GRIN2A: variants seen among roughly 807,000 people sequenced by gnomAD.
The protein encoded by GRIN2A is glutamate receptor ionotropic, NMDA 2A.
A neutral mutation model predicts 113.4 loss-of-function variants in GRIN2A; 22 were observed. The observed-to-expected ratio is 0.19, with a 90% CI of 0.14 to 0.28. GRIN2A has a LOEUF of 0.28. Ranked by LOEUF, GRIN2A falls within the 10% of genes least tolerant of loss-of-function variation. The pLI is 1.00. For missense variants in GRIN2A, 1,502 were observed against 1,887.0 expected (o/e 0.80, Z 3.78); for synonymous variants, 827 against 738.4 (o/e 1.12, Z -1.94).
At chr16:10,070,959 C>A (rs9922871) in intron 2 of GRIN2A, among the ~76,000 whole-genome samples, 14,628 of 152,166 alleles carry the variant, frequency 0.096, 784 homozygotes, top group African/African-American at 0.11. Flanking sequence ...TCAGATTAAC[C>A]CAACAACTCT....
intron 4 of GRIN2A, among the ~76,000 whole-genome samples, chr16:9,871,126 C>T (rs2043252193): frequency 6.6e-6 from 1 of 152,128 alleles, no homozygotes; most frequent in South Asian, 2.1e-4. Context: ...AATTTTCCTG[C>T]TCCCATCTTG....
At chr16:10,165,875 G>C (rs1011938047) in intron 2 of GRIN2A, among the ~76,000 whole-genome samples, 1 of 152,080 alleles carries the variant, frequency 6.6e-6, no homozygotes, top group African/African-American at 2.4e-5. Context: ...AAAACCAATA[G>C]CAAATTTGTT....
intron 4 of GRIN2A, among the ~76,000 whole-genome samples, chr16:9,888,331 T>A (rs1338934428): frequency 6.6e-6 from 1 of 152,230 alleles, no homozygotes; most frequent in East Asian, 1.9e-4. Flanking sequence ...TGGTTTTTCA[T>A]ATTTGGTTTA....
intron 2 of GRIN2A, among the ~76,000 whole-genome samples, chr16:10,040,925 C>A (rs2047156315): frequency 6.6e-6 from 1 of 152,212 alleles, no homozygotes; most frequent in Non-Finnish European, 1.5e-5. Context: ...CTCCCCTCTG[C>A]CGCAGGCTGG....
intron 2 of GRIN2A, among the ~76,000 whole-genome samples, chr16:9,955,799 G>A (rs1057009695): frequency 6.6e-6 from 1 of 152,174 alleles, no homozygotes; most frequent in African/African-American, 2.4e-5. Context: ...AGTGCATCAA[G>A]GCGAATGAGC....
At chr16:10,040,495 CCACACATCCACACCACAAA>C (rs1320323187) in intron 2 of GRIN2A, among the ~76,000 whole-genome samples, 3 of 150,718 alleles carry the variant, frequency 2.0e-5, no homozygotes, top group East Asian at 2.0e-4. Flanking sequence ...CACATTCACA[CCACACATCCACACCACAAA>C]CACACATCCA....
chr16:10,129,589 G>A (rs28609850), intron 2 of GRIN2A, among the ~76,000 whole-genome samples: 4,014 of 152,186 alleles, frequency 0.026, 189 homozygotes, highest in African/African-American at 0.091. Context: ...CCAAGCAAAC[G>A]GAACAACAAG....
chr16:10,095,290 A>G (rs1238748253), intron 2 of GRIN2A, among the ~76,000 whole-genome samples: 1 of 152,126 alleles, frequency 6.6e-6, no homozygotes, highest in Non-Finnish European at 1.5e-5. Context: ...ATATTTTGTC[A>G]TGGAAGCCTG....
intron 10 of GRIN2A, among the ~76,000 whole-genome samples, chr16:9,816,594 G>A (rs1410968428): frequency 6.6e-6 from 1 of 152,178 alleles, no homozygotes; most frequent in Non-Finnish European, 1.5e-5. Context: ...TATGTGCGAC[G>A]CTTGCAGTTT....
intron 2 of GRIN2A, among the ~76,000 whole-genome samples, chr16:10,002,522 C>A (rs753773989): frequency 6.6e-6 from 1 of 152,190 alleles, no homozygotes; most frequent in African/African-American, 2.4e-5. Context: ...GTGTAGTCAT[C>A]TATAGGTACC....
intron 4 of GRIN2A, among the ~76,000 whole-genome samples, chr16:9,864,758 GAA>G (rs918239376): frequency 2.6e-4 from 39 of 152,210 alleles, no homozygotes; most frequent in African/African-American, 8.7e-4. Context: ...CCTCGCCTGT[GAA>G]AAGTTATTGC....
intron 11 of GRIN2A, among the ~76,000 whole-genome samples, chr16:9,773,474 CT>C (rs1379729993): frequency 6.6e-6 from 1 of 152,142 alleles, no homozygotes; most frequent in Non-Finnish European, 1.5e-5. Flanking sequence ...TGAACCAGAG[CT>C]GATAAATGGG....
chr16:9,772,907 A>C (rs16966281), intron 11 of GRIN2A, among the ~76,000 whole-genome samples: 2,321 of 142,290 alleles, frequency 0.016, 48 homozygotes, highest in African/African-American at 0.058. Flanking sequence ...AACATGGTAA[A>C]GCAGACTTCA....
At chr16:10,010,498 C>A (rs2046485389) in intron 2 of GRIN2A, among the ~76,000 whole-genome samples, 1 of 152,124 alleles carries the variant, frequency 6.6e-6, no homozygotes, top group African/African-American at 2.4e-5. Context: ...ACATTTGGAA[C>A]CTGGAGAGCA....
At chr16:9,768,526 T>G (rs1362167548) in intron 12 of GRIN2A, among the ~76,000 whole-genome samples, 1 of 152,130 alleles carries the variant, frequency 6.6e-6, no homozygotes, top group African/African-American at 2.4e-5. Flanking sequence ...ACTGGTGAGG[T>G]AAACATCATG....
At chr16:10,110,557 G>T (rs142768896) in intron 2 of GRIN2A, among the ~76,000 whole-genome samples, 138 of 152,344 alleles carry the variant, frequency 9.1e-4, no homozygotes, top group East Asian at 4.2e-3. Context: ...AGCCAGGACT[G>T]GGGGGTGCAT....
chr16:9,937,861 T>A (rs2044749716), intron 3 of GRIN2A, 98 bp downstream of exon 3: 7 of 837,910 alleles, frequency 8.4e-6, no homozygotes, highest in Non-Finnish European at 1.2e-5. Flanking sequence ...CATTCTGCAT[T>A]TTCAGTGCGT....
At chr16:9,834,078 G>A (rs1165927709) in intron 8 of GRIN2A, 27 bp downstream of exon 8, 2 of 1,609,366 alleles carry the variant, frequency 1.2e-6, no homozygotes, top group Non-Finnish European at 1.7e-6. Context: ...CAACAACATT[G>A]AATCATGCTC....
At chr16:10,168,765 A>G (rs907090848) in intron 2 of GRIN2A, among the ~76,000 whole-genome samples, 4 of 152,126 alleles carry the variant, frequency 2.6e-5, no homozygotes, top group African/African-American at 9.7e-5. Flanking sequence ...CAGGAGTTCA[A>G]GACCAGCCTG....
Sources: gnomAD v4.1 joint callset for allele counts (sites outside exome capture counted in the v4.1 genomes callset) on GRCh38, gnomAD v4.1.1 for gene constraint, MANE v1.5 for transcripts, NCBI Gene and HGNC (gene_info 2026-07-23, HGNC 2026-07-21) for gene names.